ANKRD45: variants seen among roughly 807,000 people sequenced by gnomAD.
The protein encoded by ANKRD45 is ankyrin repeat domain-containing protein 45.
In ANKRD45, 21 loss-of-function variants were observed where a neutral mutation model predicts 28.1. The observed-to-expected ratio is 0.75, with a 90% confidence interval of 0.53 to 1.08. The LOEUF is 1.08. Ranked by LOEUF, ANKRD45 falls within the 50% of genes least tolerant of loss-of-function variation. The pLI, the probability that ANKRD45 is intolerant of heterozygous loss-of-function variation, is 0.00. For synonymous variants in ANKRD45, 86 were observed against 103.9 expected (o/e 0.83, Z 1.05); for missense variants, 261 against 308.7 (o/e 0.85, Z 1.16).
At position 173,609,549 on chromosome 1, in the gene ANKRD45, G is replaced by A. The variant is rs1317962998; in HGVS notation, c.*596C>T. On this transcript the variant is annotated 3_prime_UTR_variant, in exon 6 of 6. Transcript: ENST00000333279. ...TCTGTATTGCCAGCCTTACAGAATA[G>A]GAGAACTCTTCTAAGTATAAAACTA... 6.6e-6 allele frequency: 1 copy of A among 152,254 alleles called. No individual in the cohort carries two copies. The highest frequency in any genetic ancestry group is 1.5e-5 in the Non-Finnish European group (1 of 68,090). The allele number at this position is 152,254 out of a possible 1,614,324, so 9.4% of individuals were successfully genotyped here. A position where few individuals can be genotyped will look rare whatever the true frequency, so the allele number is the denominator to read the frequency against.
chr1:173,700,179 A>G, the ANKRD45 span, among the ~76,000 whole-genome samples: 3 of 152,232 alleles, frequency 2.0e-5, no homozygotes, highest in Non-Finnish European at 4.4e-5. Flanking sequence ...AGAGGACACA[A>G]ACAAATGGAA....
the ANKRD45 span, among the ~76,000 whole-genome samples, chr1:173,705,068 G>T: frequency 6.6e-6 from 1 of 152,226 alleles, no homozygotes; most frequent in East Asian, 1.9e-4. Flanking sequence ...CCTTGGTCAG[G>T]CCACTCTTTT....
upstream of ANKRD45, among the ~76,000 whole-genome samples, chr1:173,672,452 A>C (rs1670288334): frequency 1.3e-5 from 2 of 152,182 alleles, no homozygotes; most frequent in Admixed American, 1.3e-4. Context: ...ACTGTACAAA[A>C]CTGTACATGA....
the ANKRD45 span, among the ~76,000 whole-genome samples, chr1:173,701,545 C>A: frequency 5.3e-5 from 8 of 152,206 alleles, no homozygotes; most frequent in Admixed American, 2.6e-4. Context: ...TGGAAACCAT[C>A]ATTCTCAGCA....
upstream of ANKRD45, among the ~76,000 whole-genome samples, chr1:173,672,769 C>T (rs1670298176): frequency 6.6e-6 from 1 of 152,080 alleles, no homozygotes; most frequent in Admixed American, 6.6e-5. Context: ...CAGAAAGACT[C>T]CCATGACACC....
At chr1:173,695,992 T>G in the ANKRD45 span, among the ~76,000 whole-genome samples, 3 of 152,180 alleles carry the variant, frequency 2.0e-5, no homozygotes, top group Non-Finnish European at 4.4e-5. Flanking sequence ...AATTTCACCC[T>G]GGTACTCTGC....
chr1:173,658,598 G>A (rs1033777012), intron 2 of ANKRD45: 6 of 151,834 alleles, frequency 4.0e-5, no homozygotes, highest in African/African-American at 7.2e-5. Flanking sequence ...CCATGACCAC[G>A]TATTATATTT....
At chr1:173,707,201 T>A in the ANKRD45 span, among the ~76,000 whole-genome samples, 1 of 152,164 alleles carries the variant, frequency 6.6e-6, no homozygotes, top group South Asian at 2.1e-4. Context: ...TATATTAATA[T>A]ATTGCAAATG....
intron 4 of ANKRD45, 53 bp from the exon 5 acceptor site, chr1:173,624,978 C>A: frequency 1.3e-6 from 2 of 1,562,238 alleles, no homozygotes; most frequent in Non-Finnish European, 8.7e-7. Flanking sequence ...AAAAATAAAA[C>A]TCAACAGTAT....
At chr1:173,645,689 G>A (rs1191112078) in intron 3 of ANKRD45, among the ~76,000 whole-genome samples, 1 of 152,108 alleles carries the variant, frequency 6.6e-6, no homozygotes, top group Non-Finnish European at 1.5e-5. Flanking sequence ...CCTACCTGTG[G>A]AAACTATGAC....
chr1:173,693,069 G>A, the ANKRD45 span, among the ~76,000 whole-genome samples: 2 of 152,110 alleles, frequency 1.3e-5, no homozygotes, highest in Non-Finnish European at 1.5e-5. Flanking sequence ...GGGGGCCGGG[G>A]GGGTGGATCA....
the ANKRD45 span, among the ~76,000 whole-genome samples, chr1:173,690,568 C>A: frequency 2.0e-5 from 3 of 152,192 alleles, no homozygotes; most frequent in South Asian, 6.2e-4. Context: ...AGATTAGAAA[C>A]TGACACATTA....
chr1:173,663,405 GT>G (rs2102396077), intron 1 of ANKRD45, among the ~76,000 whole-genome samples: 1 of 152,040 alleles, frequency 6.6e-6, no homozygotes, highest in East Asian at 1.9e-4. Context: ...AGTTCCCTTG[GT>G]TTCCTCATTT....
At chr1:173,700,242 C>A in the ANKRD45 span, among the ~76,000 whole-genome samples, 4 of 152,320 alleles carry the variant, frequency 2.6e-5, 1 homozygote, top group African/African-American at 9.6e-5. Context: ...AATGGCCATA[C>A]TGCCCAAGGT....
intron 3 of ANKRD45, chr1:173,636,720 A>T: frequency 3.8e-6 from 3 of 798,360 alleles, no homozygotes; most frequent in Non-Finnish European, 5.8e-6. Context: ...AGGTTTGTTT[A>T]CATATTTAGA....
chr1:173,665,454 A>G (rs1042925036), intron 1 of ANKRD45, among the ~76,000 whole-genome samples: 29 of 152,204 alleles, frequency 1.9e-4, no homozygotes, highest in African/African-American at 6.8e-4. Flanking sequence ...ACATTTAGAG[A>G]TCAGTCTGAT....
the ANKRD45 span, among the ~76,000 whole-genome samples, chr1:173,707,530 A>C: frequency 1.3e-5 from 2 of 151,952 alleles, no homozygotes; most frequent in Non-Finnish European, 2.9e-5. Context: ...ACAGGGTTTC[A>C]CCATGCTGGC....
At chr1:173,612,855 G>A (rs1009192794) in intron 5 of ANKRD45, 107 of 170,426 alleles carry the variant, frequency 6.3e-4, no homozygotes, top group African/African-American at 2.3e-3. Context: ...GGCCTCCTGA[G>A]GTGCCGGGAT....
At chr1:173,623,794 A>C (rs1399082138) in intron 5 of ANKRD45, among the ~76,000 whole-genome samples, 1 of 152,180 alleles carries the variant, frequency 6.6e-6, no homozygotes, top group African/African-American at 2.4e-5. Context: ...AAGGAACGAG[A>C]CCATGTCCAT....
Sources: gnomAD v4.1 joint callset for allele counts (sites outside exome capture counted in the v4.1 genomes callset) on GRCh38, gnomAD v4.1.1 for gene constraint, MANE v1.5 for transcripts, NCBI Gene and HGNC (gene_info 2026-07-23, HGNC 2026-07-21) for gene names.